The following ADAMTSL1 variants were observed in gnomAD, a reference collection of about 807,000 sequenced individuals.
The protein encoded by ADAMTSL1 is ADAMTS like 1.
ADAMTSL1 carries 126 observed loss-of-function variants against 201.8 expected under a neutral mutation model. The observed-to-expected ratio is 0.62, with a 90% CI of 0.54 to 0.72. ADAMTSL1 has a LOEUF of 0.72. ADAMTSL1 is among the 30% of genes least tolerant of loss of function. The pLI, the probability that ADAMTSL1 is intolerant of heterozygous loss-of-function variation, is 0.00. For missense variants in ADAMTSL1, 2,679 were observed against 2,277.8 expected (o/e 1.18, Z -3.59); for synonymous variants, 1,121 against 903.4 (o/e 1.24, Z -4.32).
intron 26 of ADAMTSL1, among the ~76,000 whole-genome samples, chr9:18,902,404 G>C (rs1435812341): frequency 6.6e-6 from 1 of 152,178 alleles, no homozygotes; most frequent in East Asian, 1.9e-4. Context: ...AATGTATACA[G>C]AGTATCTTTT....
At chr9:18,319,820 C>G (rs1000380578) in intron 2 of ADAMTSL1, among the ~76,000 whole-genome samples, 1 of 152,124 alleles carries the variant, frequency 6.6e-6, no homozygotes, top group East Asian at 1.9e-4. Flanking sequence ...AATATGTTAC[C>G]TTACATGGCA....
chr9:18,603,066 A>G (rs995612322), intron 4 of ADAMTSL1, among the ~76,000 whole-genome samples: 1 of 152,228 alleles, frequency 6.6e-6, no homozygotes, highest in African/African-American at 2.4e-5. Flanking sequence ...TAAAACACCA[A>G]CTAACATCCA....
chr9:18,826,167 T>C (rs549961786), intron 21 of ADAMTSL1, 117 bp from the exon 22 acceptor site: 108 of 1,203,664 alleles, frequency 9.0e-5, no homozygotes, highest in Admixed American at 5.9e-4. Context: ...TGGTAGAAGA[T>C]GTCCCTGTAG....
At chr9:18,120,665 C>T (rs1286859343) in intron 1 of ADAMTSL1, among the ~76,000 whole-genome samples, 1 of 152,064 alleles carries the variant, frequency 6.6e-6, no homozygotes, top group Non-Finnish European at 1.5e-5. Flanking sequence ...CACAAAAAAA[C>T]ACATATAAGA....
At chr9:18,614,132 G>C (rs1825558829) in intron 4 of ADAMTSL1, among the ~76,000 whole-genome samples, 1 of 152,186 alleles carries the variant, frequency 6.6e-6, no homozygotes, top group Non-Finnish European at 1.5e-5. Context: ...AGTGAGGTCA[G>C]AGAGGTCGTT....
chr9:18,843,679 ACGTAGATGTGGT>A (rs1412043961), intron 23 of ADAMTSL1, among the ~76,000 whole-genome samples: 1 of 150,748 alleles, frequency 6.6e-6, no homozygotes, highest in Non-Finnish European at 1.5e-5. Flanking sequence ...CACCAATCAG[ACGTAGATGTGGT>A]CTTTTCACAT....
At chr9:18,775,161 G>C (rs1474637438) in intron 17 of ADAMTSL1, among the ~76,000 whole-genome samples, 1 of 151,996 alleles carries the variant, frequency 6.6e-6, no homozygotes, top group Admixed American at 6.6e-5. Flanking sequence ...ATGCATTTGG[G>C]ATTTTCCCCT....
rs1356658143 is a variant in ADAMTSL1 at position 17,967,855 on chromosome 9, GTCT to G, written c.87+60940_87+60942del. 3.9e-5 allele frequency among the ~76,000 whole-genome samples: 6 copies of G among 152,038 alleles called. No homozygotes were observed. In the East Asian group the frequency reaches 1.2e-3, roughly 29 times the overall value. ...TCTAGTTTTCCTCCTTTTGTCCAAGGTCTTCTTCTGTTTATTCACACTGGGATC... is the reference window on the plus strand; with the variant it reads ...TCTAGTTTTCCTCCTTTTGTCCAAGGTCTTCTGTTTATTCACACTGGGATC... On this transcript the variant is annotated intron_variant, in intron 1 of 29. Coordinates refer to the ADAMTSL1 transcript ENST00000680146.
At chr9:18,382,382 T>G (rs774108068) in intron 2 of ADAMTSL1, among the ~76,000 whole-genome samples, 3 of 152,152 alleles carry the variant, frequency 2.0e-5, no homozygotes, top group Non-Finnish European at 4.4e-5. Flanking sequence ...TAGATTTGCT[T>G]GGAAATTTTA....
rs1398307402 is a variant in ADAMTSL1 at position 18,888,027 on chromosome 9, A to G, written c.4446A>G (p.Ala1482=). The part of the protein sequence containing the change: ...QNEAGVLMQK[A]SLVIQDYWWS... ...AGGCAGGGGTGCTCATGCAGAAGGC[A>G]TCTTTAGTGATCCAAGGTAAGAAAC... The change falls in exon 24 of 29, where the codon GCA becomes GCG. Residue 1482 remains alanine (A), a synonymous_variant. Coordinates refer to ENST00000380548, the MANE Select transcript of ADAMTSL1 (RefSeq NM_001040272.6). 3.7e-6 allele frequency: 6 copies of G among 1,613,088 alleles called. No homozygotes were observed. Among genetic ancestry groups the G allele is most frequent in the Non-Finnish European group, 5.1e-6 (6 of 1,179,588 alleles).
intron 2 of ADAMTSL1, among the ~76,000 whole-genome samples, chr9:18,203,708 A>G (rs1278444987): frequency 6.6e-6 from 1 of 152,162 alleles, no homozygotes. Flanking sequence ...AGGACAGGGA[A>G]AATACAGACT....
chr9:18,423,818 A>G (rs1819072541), intron 2 of ADAMTSL1, among the ~76,000 whole-genome samples: 2 of 152,212 alleles, frequency 1.3e-5, no homozygotes, highest in Non-Finnish European at 2.9e-5. Flanking sequence ...GATGGCTTCC[A>G]TTATCTTTTA....
chr9:18,893,260 G>T (rs964231012), intron 26 of ADAMTSL1, among the ~76,000 whole-genome samples: 1 of 152,014 alleles, frequency 6.6e-6, no homozygotes, highest in Non-Finnish European at 1.5e-5. Context: ...GGCCCTCGAG[G>T]CTTATTGGCA....
chr9:18,641,628 AGATT>A (rs1191538552), intron 7 of ADAMTSL1, among the ~76,000 whole-genome samples: 2 of 152,212 alleles, frequency 1.3e-5, no homozygotes, highest in East Asian at 3.9e-4. Flanking sequence ...ATTCTAAGAT[AGATT>A]ATGTAATTCT....
rs552517948 is a variant in ADAMTSL1 at position 18,754,323 on chromosome 9, C to T, written c.2217+815C>T. ...CTAAAAATAATATGCATTTATCAAA[C>T]GTTAATATTTTTGCATGCCTTTTAA... On this transcript the variant is annotated intron_variant, in intron 16 of 28. Coordinates refer to ENST00000380548, the MANE Select transcript of ADAMTSL1 (RefSeq NM_001040272.6). 5.3e-5 allele frequency among the ~76,000 whole-genome samples: 8 copies of T among 152,230 alleles called. No individual in the cohort carries two copies. In the East Asian group the frequency reaches 7.7e-4, roughly 15 times the overall value.
intron 1 of ADAMTSL1, among the ~76,000 whole-genome samples, chr9:17,932,111 C>G (rs561525108): frequency 3.9e-5 from 6 of 152,280 alleles, no homozygotes; most frequent in Middle Eastern, 3.4e-3. Context: ...GTCTTCCCCC[C>G]AAGTAGAGGA....
rs763861762 is a variant in ADAMTSL1, at chr9:17,987,700, G to T, written c.87+80778G>T. On this transcript the variant is annotated intron_variant, in intron 1 of 29. Coordinates refer to the ADAMTSL1 transcript ENST00000680146. ...ATTCTTTTAGAACTCTGCAAGCAGT[G>T]TGCTCTCAAATGCCTTGTTTTTTTG... Among the ~76,000 whole-genome samples the T allele has an allele frequency of 1.1e-4, 16 of 152,014 alleles. 1 individual carries two copies. The highest frequency in any genetic ancestry group is 2.0e-4 in the Admixed American group (3 of 15,238).
At chr9:17,972,733 T>G (rs200012507) in intron 1 of ADAMTSL1, among the ~76,000 whole-genome samples, 1 of 150,090 alleles carries the variant, frequency 6.7e-6, no homozygotes, top group Non-Finnish European at 1.5e-5. Context: ...CCTGAGGAAT[T>G]GCCACACTGA....
chr9:18,132,271 A>G (rs1422498606), intron 1 of ADAMTSL1, among the ~76,000 whole-genome samples: 1 of 152,022 alleles, frequency 6.6e-6, no homozygotes, highest in Non-Finnish European at 1.5e-5. Context: ...GCCACCCCAT[A>G]TGCCATATTT....
Sources: gnomAD v4.1 joint callset for allele counts (sites outside exome capture counted in the v4.1 genomes callset) on GRCh38, gnomAD v4.1.1 for gene constraint, MANE v1.5 for transcripts, NCBI Gene and HGNC (gene_info 2026-07-23, HGNC 2026-07-21) for gene names.